The following NARS1 variants were observed in gnomAD, a reference collection of about 807,000 sequenced individuals.
NARS1 encodes asparagine--tRNA ligase, cytoplasmic.
NARS1 carries 65 observed loss-of-function variants against 79.2 expected under a neutral mutation model. That is an observed-to-expected ratio of 0.82 (90% CI 0.67 to 1.01). The LOEUF is 1.01. Among genes scored for constraint, NARS1 ranks in the 50% least tolerant of loss-of-function variants. NARS1 has a pLI of 0.00. For missense variants in NARS1, 649 were observed against 673.8 expected (o/e 0.96, Z 0.41); for synonymous variants, 229 against 238.8 (o/e 0.96, Z 0.38).
chr18:57,621,685 G>C, intron 1 of NARS1, 23 bp downstream of exon 1: 2 of 1,607,686 alleles, frequency 1.2e-6, no homozygotes, highest in Non-Finnish European at 1.7e-6. Context: ...GGAACACCGC[G>C]CCATACACTG....
intron 2 of NARS1, among the ~76,000 whole-genome samples, chr18:57,619,266 A>AT (rs57667136): frequency 0.028 from 3,471 of 123,688 alleles, 168 homozygotes; most frequent in African/African-American, 0.098. Context: ...TGCCTGGCTA[A>AT]TTTTTTTTTT....
intron 4 of NARS1, among the ~76,000 whole-genome samples, chr18:57,615,311 G>T (rs946110479): frequency 2.0e-5 from 3 of 152,132 alleles, no homozygotes; most frequent in Non-Finnish European, 4.4e-5. Flanking sequence ...GACCATCCTG[G>T]CTAACACGGT....
chr18:57,603,287 G>A (rs891351992), intron 11 of NARS1, among the ~76,000 whole-genome samples: 2 of 151,882 alleles, frequency 1.3e-5, no homozygotes, highest in African/African-American at 4.8e-5. Flanking sequence ...TCAGTGGCCC[G>A]TTTTGTCTAG....
intron 5 of NARS1, among the ~76,000 whole-genome samples, chr18:57,612,660 T>C (rs1430524356): frequency 6.6e-6 from 1 of 152,226 alleles, no homozygotes; most frequent in Non-Finnish European, 1.5e-5. Flanking sequence ...GGTCTTGAAC[T>C]CCTGACCTCA....
Position 57,607,217 on chromosome 18 carries a change from G to A in NARS1, c.918C>T (p.Thr306=), listed in dbSNP as rs774269066. 9 of 1,614,032 alleles carry A rather than the reference G, an allele frequency of 5.6e-6. No individual in the cohort carries two copies. The highest frequency in any genetic ancestry group is 7.6e-6 in the Non-Finnish European group (9 of 1,180,006). Residue 306 remains threonine (T), a synonymous_variant, in exon 9 of 14, where the codon ACC becomes ACT. Transcript: ENST00000256854. ...LTQSSQLYLE[T]CLPALGDVFC... ...AAACATCTCCCAGGGCTGGGAGGCA[G>A]GTCTCCAAGTACAACTGAGAGGATT...
rs371863128 is a variant in NARS1 at position 57,603,213 on chromosome 18, T to TA, written c.1252-271dup. ...CACCATGCTGTTTGATGAAGGAAAA[T>TA]AAAAAAAAAAACAAAAACAAAAGCC... On this transcript the variant is annotated intron_variant, in intron 11 of 13. Transcript: ENST00000256854. Among the ~76,000 whole-genome samples the TA allele has an allele frequency of 5.1e-3, 732 of 143,320 alleles. 5 individuals carry two copies. Among genetic ancestry groups the TA allele is most frequent in the African/African-American group, 0.014 (554 of 39,276 alleles). 94.0% of individuals were successfully genotyped at this position (143,320 alleles called of 152,430 possible). A position where few individuals can be genotyped will look rare whatever the true frequency, so the allele number is the denominator to read the frequency against.
Position 57,605,940 on chromosome 18 carries a change from G to A in NARS1, c.1168C>T (p.Arg390Trp), listed in dbSNP as rs778072065. 4.0e-5 allele frequency: 65 copies of A among 1,613,204 alleles called. No individual in the cohort carries two copies. The highest frequency in any genetic ancestry group is 4.7e-5 in the Non-Finnish European group (56 of 1,179,650). The change falls in exon 11 of 14, where the codon CGG becomes TGG. Residue 390 changes from arginine to tryptophan, a missense_variant. Physicochemically the swap from Arg to Trp is moderately radical, Grantham distance 101. Coordinates refer to ENST00000256854, the MANE Select transcript of NARS1 (RefSeq NM_004539.4). ...NFQPPKRPFK[R>W]MNYSDAIVWL... ...ACGATAGCATCTGAATAGTTCATCC[G>A]TTTGAAAGGCCGTTTGGGGGGCTGA... is the stretch of plus-strand genomic sequence containing the variant.
intron 10 of NARS1, 38 bp from the exon 11 acceptor site, chr18:57,606,008 A>T: frequency 8.0e-7 from 1 of 1,249,950 alleles, no homozygotes; most frequent in Non-Finnish European, 1.1e-6. Context: ...GTATATATAC[A>T]TAAATATAAA....
At chr18:57,606,987 T>C (rs1599033387) in intron 9 of NARS1, 147 bp downstream of exon 9, 3 of 985,350 alleles carry the variant, frequency 3.0e-6, no homozygotes, top group Middle Eastern at 3.2e-4. Flanking sequence ...CGATCTAAGG[T>C]GGCAAAACTT....
intron 1 of NARS1, 138 bp downstream of exon 1, chr18:57,621,570 C>CCCCCCCCCTGCAA: frequency 6.1e-6 from 3 of 494,566 alleles, no homozygotes; most frequent in South Asian, 1.6e-5. Flanking sequence ...CCCTCCCTCC[C>CCCCCCCCCTGCAA]TCCCTCCCTG....
chr18:57,616,746 T>C (rs1262998132), intron 2 of NARS1, among the ~76,000 whole-genome samples: 2 of 151,902 alleles, frequency 1.3e-5, no homozygotes, highest in Non-Finnish European at 2.9e-5. Flanking sequence ...CTCAGGCCTG[T>C]AATCCCAGCA....
chr18:57,603,525 G>C (rs1183898125), intron 11 of NARS1, among the ~76,000 whole-genome samples: 3 of 152,158 alleles, frequency 2.0e-5, no homozygotes, highest in Non-Finnish European at 4.4e-5. Context: ...AGCACACCTG[G>C]AATAGTTACC....
rs1422440093 is a variant in NARS1 at position 57,601,068 on chromosome 18, A to T, written c.*584T>A. The T allele has an allele frequency of 1.3e-5, 2 of 152,232 alleles. No homozygotes were observed. The highest frequency in any genetic ancestry group is 1.3e-4 in the Admixed American group (2 of 15,276). The allele number at this position is 152,232 out of a possible 1,614,324, so 9.4% of individuals were successfully genotyped here. The stretch of plus-strand genomic sequence containing the variant: ...TCTTCAATTTCTATGCCTCAGGATT[A>T]TTAGCAGCTAAGCAGAGTTAGAAAA... On this transcript the variant is annotated 3_prime_UTR_variant, in exon 14 of 14. Transcript: ENST00000256854.
At chr18:57,614,828 C>A (rs547991061) in intron 4 of NARS1, among the ~76,000 whole-genome samples, 1 of 152,112 alleles carries the variant, frequency 6.6e-6, no homozygotes, top group African/African-American at 2.4e-5. Flanking sequence ...ATAAAATGAA[C>A]CCCTAAAGAA....
At chr18:57,612,743 C>T (rs1343486888) in intron 5 of NARS1, among the ~76,000 whole-genome samples, 5 of 152,220 alleles carry the variant, frequency 3.3e-5, no homozygotes, top group Non-Finnish European at 7.4e-5. Context: ...GCCTGTCCCA[C>T]TTTTCAATGA....
At position 57,609,515 on chromosome 18, in the gene NARS1, G is replaced by A. The variant is rs1428974703; in HGVS notation, c.493-72C>T. The A allele has an allele frequency of 2.4e-6, 3 of 1,261,984 alleles. No individual in the cohort carries two copies. The African/African-American group carries it at 4.4e-5, about 19-fold the overall frequency. 78.2% of individuals were successfully genotyped at this position (1,261,984 alleles called of 1,614,324 possible). ...AAATTCTACCATATAGAAAGTTAAAGGGATTGTTTACAAACAAGTTATCTG... is the reference window on the plus strand; with the variant it reads ...AAATTCTACCATATAGAAAGTTAAAAGGATTGTTTACAAACAAGTTATCTG... On this transcript the variant is annotated intron_variant, in intron 6 of 13. Coordinates refer to ENST00000256854, the MANE Select transcript of NARS1 (RefSeq NM_004539.4).
chr18:57,609,329 C>A, intron 7 of NARS1, 28 bp downstream of exon 7: 1 of 1,539,940 alleles, frequency 6.5e-7, no homozygotes, highest in Non-Finnish European at 9.0e-7. Flanking sequence ...ACTATTCATT[C>A]ACCCAGTGCG....
intron 9 of NARS1, 110 bp from the exon 10 acceptor site, chr18:57,606,861 ATTC>A: frequency 6.9e-7 from 1 of 1,442,020 alleles, no homozygotes; most frequent in African/African-American, 1.4e-5. Flanking sequence ...AATGCTACCA[ATTC>A]CCAACTTTGC....
At chr18:57,612,625 G>T (rs1242980151) in intron 5 of NARS1, among the ~76,000 whole-genome samples, 1 of 152,116 alleles carries the variant, frequency 6.6e-6, no homozygotes, top group African/African-American at 2.4e-5. Context: ...TATTAGAGAA[G>T]AGGTTTCACC....
Sources: gnomAD v4.1 joint callset for allele counts (sites outside exome capture counted in the v4.1 genomes callset) on GRCh38, gnomAD v4.1.1 for gene constraint, MANE v1.5 for transcripts, NCBI Gene and HGNC (gene_info 2026-07-23, HGNC 2026-07-21) for gene names.